Variants in AFF3 observed in about 807,000 individuals in gnomAD.
AFF3 encodes ALF transcription elongation factor 3, also known as AF4/FMR2 family member 3.
AFF3 carries 32 observed loss-of-function variants against 129.7 expected under a neutral mutation model. The ratio of observed to expected loss-of-function variants is 0.25; its 90% CI spans 0.19 to 0.33. The LOEUF is 0.33. Ranked by LOEUF, AFF3 falls within the 10% of genes least tolerant of loss-of-function variation. The pLI is 1.00. For synonymous variants in AFF3, 644 were observed against 635.4 expected (o/e 1.01, Z -0.20); for missense variants, 1,373 against 1,592.0 (o/e 0.86, Z 2.34).
At chr2:99,813,127 T>C (rs1036676456) in intron 8 of AFF3, among the ~76,000 whole-genome samples, 4 of 151,896 alleles carry the variant, frequency 2.6e-5, no homozygotes, top group African/African-American at 9.7e-5. Flanking sequence ...TAACATGCTT[T>C]AAACAACTTT....
chr2:99,931,131 A>C (rs1696645115), intron 7 of AFF3, among the ~76,000 whole-genome samples: 1 of 152,238 alleles, frequency 6.6e-6, no homozygotes, highest in African/African-American at 2.4e-5. Context: ...ATTTGTGACA[A>C]AAATTAGCAA....
intron 13 of AFF3, among the ~76,000 whole-genome samples, chr2:99,635,277 T>G (rs1177453315): frequency 1.3e-5 from 2 of 151,964 alleles, no homozygotes; most frequent in Non-Finnish European, 2.9e-5. Context: ...ATATATCATA[T>G]ATACATATCA....
chr2:99,917,018 C>G (rs908030925), intron 7 of AFF3, among the ~76,000 whole-genome samples: 3 of 152,184 alleles, frequency 2.0e-5, no homozygotes, highest in Admixed American at 2.0e-4. Context: ...CAACTTCCAA[C>G]AACAGACTCA....
intron 7 of AFF3, among the ~76,000 whole-genome samples, chr2:99,871,039 C>T (rs1424313880): frequency 6.6e-6 from 1 of 152,110 alleles, no homozygotes; most frequent in Non-Finnish European, 1.5e-5. Context: ...TATTTGAACA[C>T]CAACATGACA....
intron 4 of AFF3, among the ~76,000 whole-genome samples, chr2:100,069,262 TG>T (rs749619247): frequency 5.9e-5 from 9 of 152,262 alleles, no homozygotes; most frequent in South Asian, 2.1e-4. Flanking sequence ...TAGAATCAAA[TG>T]GGGAAACTAC....
intron 13 of AFF3, among the ~76,000 whole-genome samples, chr2:99,642,876 T>C (rs185523851): frequency 3.9e-5 from 6 of 152,242 alleles, no homozygotes; most frequent in African/African-American, 1.4e-4. Flanking sequence ...AGGGTTGTTG[T>C]GAGGATCATA....
intron 4 of AFF3, among the ~76,000 whole-genome samples, chr2:100,019,810 G>A (rs924866700): frequency 3.3e-5 from 5 of 151,830 alleles, no homozygotes; most frequent in Non-Finnish European, 5.9e-5. Context: ...CAGTCTTCAC[G>A]CCCTTTCCTC....
At chr2:99,960,405 C>T (rs1005524543) in intron 7 of AFF3, among the ~76,000 whole-genome samples, 8 of 151,868 alleles carry the variant, frequency 5.3e-5, no homozygotes, top group Admixed American at 1.3e-4. Context: ...AAAAAAGTAC[C>T]GTAGTCATTC....
chr2:99,641,815 G>C (rs899657155), intron 13 of AFF3, among the ~76,000 whole-genome samples: 3 of 152,180 alleles, frequency 2.0e-5, no homozygotes, highest in Non-Finnish European at 4.4e-5. Flanking sequence ...AGGTATGTGA[G>C]ATGCTCAGTA....
intron 4 of AFF3, chr2:100,011,418 C>CA: frequency 1.3e-6 from 1 of 778,228 alleles, no homozygotes; most frequent in Non-Finnish European, 2.4e-6. Flanking sequence ...GAAGTGGCCT[C>CA]ATGTAAGATG....
chr2:100,081,014 C>A (rs1444637540), intron 4 of AFF3, among the ~76,000 whole-genome samples: 1 of 152,088 alleles, frequency 6.6e-6, no homozygotes, highest in Admixed American at 6.5e-5. Context: ...GCCACAGCAA[C>A]ACTAAGATCT....
rs1377108687 is a variant in AFF3 at position 100,084,745 on chromosome 2, GT to G, written c.53+19656del. ...ATAAAATATGCATAGGTATAAAATA[GT>G]TTTTTCATAAAAGGGGAATTCTGTT... is the stretch of plus-strand genomic sequence containing the variant. On this transcript the variant is annotated intron_variant, in intron 4 of 24. Transcript: ENST00000672756. Among the ~76,000 whole-genome samples, 186 of 152,176 alleles carry G rather than the reference GT, an allele frequency of 1.2e-3. 1 individual carries two copies. The highest frequency in any genetic ancestry group is 4.3e-3 in the African/African-American group (178 of 41,466).
intron 7 of AFF3, among the ~76,000 whole-genome samples, chr2:99,917,018 C>T (rs908030925): frequency 3.9e-5 from 6 of 152,184 alleles, no homozygotes; most frequent in African/African-American, 1.4e-4. Context: ...CAACTTCCAA[C>T]AACAGACTCA....
chr2:99,905,151 T>C (rs141606955), intron 7 of AFF3, among the ~76,000 whole-genome samples: 4 of 152,326 alleles, frequency 2.6e-5, no homozygotes, highest in Non-Finnish European at 5.9e-5. Flanking sequence ...TCAAGGGTTG[T>C]GTTCTGGCTG....
chr2:99,930,435 C>T (rs533985057), intron 7 of AFF3, among the ~76,000 whole-genome samples: 9 of 152,286 alleles, frequency 5.9e-5, no homozygotes, highest in African/African-American at 1.7e-4. Context: ...GTGTACCATG[C>T]GGTCAGCCAA....
chr2:99,684,614 ATT>A (rs199580507), intron 11 of AFF3, among the ~76,000 whole-genome samples: 9 of 143,504 alleles, frequency 6.3e-5, no homozygotes, highest in Admixed American at 7.0e-5. Flanking sequence ...CCATGAATTC[ATT>A]TTTTTTTTTT....
At chr2:99,769,341 T>G (rs1317995209) in intron 8 of AFF3, among the ~76,000 whole-genome samples, 1 of 152,162 alleles carries the variant, frequency 6.6e-6, no homozygotes, top group Non-Finnish European at 1.5e-5. Flanking sequence ...TTCTGCTTGA[T>G]TCTGTTTAAT....
At chr2:99,940,949 C>T (rs368712686) in intron 7 of AFF3, among the ~76,000 whole-genome samples, 103 of 152,140 alleles carry the variant, frequency 6.8e-4, no homozygotes, top group Admixed American at 1.6e-3. Context: ...GTCTTTGTTT[C>T]GTGGCCACCC....
chr2:99,870,506 C>T (rs1307012809), intron 7 of AFF3, among the ~76,000 whole-genome samples: 1 of 152,208 alleles, frequency 6.6e-6, no homozygotes, highest in Non-Finnish European at 1.5e-5. Context: ...AGAACCTGCA[C>T]CAGCCCTGCT....
Sources: gnomAD v4.1 joint callset for allele counts (sites outside exome capture counted in the v4.1 genomes callset) on GRCh38, gnomAD v4.1.1 for gene constraint, MANE v1.5 for transcripts, NCBI Gene and HGNC (gene_info 2026-07-23, HGNC 2026-07-21) for gene names.